TRPC3: variants seen among roughly 807,000 people sequenced by gnomAD.
TRPC3 encodes the protein transient receptor potential cation channel subfamily C member 3.
A neutral mutation model predicts 90.9 loss-of-function variants in TRPC3; 54 were observed. The ratio of observed to expected loss-of-function variants is 0.59; its 90% confidence interval spans 0.48 to 0.75. The LOEUF (loss-of-function observed/expected upper bound fraction) is 0.75. Ranked by LOEUF, TRPC3 falls within the 30% of genes least tolerant of loss-of-function variation. The pLI, the probability that TRPC3 is intolerant of heterozygous loss-of-function variation, is 0.00. For synonymous variants in TRPC3, 424 were observed against 450.9 expected, an observed-to-expected ratio of 0.94 and a Z score of 0.75; for missense variants, 918 against 1,194.5, an observed-to-expected ratio of 0.77 and a Z score of 3.41.
chr4:121,884,208 G>A (rs1443147657), intron 10 of TRPC3, among the ~76,000 whole-genome samples: 1 of 152,118 alleles, frequency 6.6e-6, no homozygotes, highest in Non-Finnish European at 1.5e-5. Flanking sequence ...TTCTTATGAA[G>A]CTCAATAACA....
chr4:121,947,497 A>G (rs1281150611), intron 1 of TRPC3, among the ~76,000 whole-genome samples: 1 of 152,196 alleles, frequency 6.6e-6, no homozygotes, highest in East Asian at 1.9e-4. Flanking sequence ...AAAGTGTTTT[A>G]GGTAATCTGA....
At chr4:121,913,684 T>A (rs1289698203) in intron 4 of TRPC3, among the ~76,000 whole-genome samples, 2 of 152,200 alleles carry the variant, frequency 1.3e-5, no homozygotes, top group Non-Finnish European at 2.9e-5. Context: ...TTATTTATAG[T>A]TTTTCATCTT....
Position 121,912,066 on chromosome 4 carries a change from T to C in TRPC3, c.1369A>G (p.Met457Val), listed in dbSNP as rs759030673. ...GAAGCTGCATGTGCTACAAACTTCATAAAAGGGCTTCGCAGAATTTTCCCC... is the reference window on the plus strand; with the variant it reads ...GAAGCTGCATGTGCTACAAACTTCACAAAAGGGCTTCGCAGAATTTTCCCC... ...RLGKILRSPF[M>V]KFVAHAASFI... The change falls in exon 5 of 12, where the codon ATG becomes GTG. Residue 457 changes from methionine (M) to valine (V), a missense_variant. By Grantham distance (21) the Met-to-Val change is conservative (BLOSUM62 1). Transcript: ENST00000379645. The C allele has an allele frequency of 1.2e-6, 2 of 1,613,574 alleles. No homozygotes were observed. Among genetic ancestry groups the C allele is most frequent in the Admixed American group, 1.7e-5 (1 of 59,916 alleles).
At chr4:121,890,555 T>A (rs541274221) in intron 10 of TRPC3, among the ~76,000 whole-genome samples, 12 of 152,174 alleles carry the variant, frequency 7.9e-5, no homozygotes, top group Non-Finnish European at 1.5e-4. Flanking sequence ...ATGGTAGATA[T>A]GGAAGACAGT....
At chr4:121,915,028 T>C in intron 3 of TRPC3, 84 bp from the exon 4 acceptor site, 1 of 1,210,964 alleles carries the variant, frequency 8.3e-7, no homozygotes, top group Non-Finnish European at 1.1e-6. Flanking sequence ...TAAATACACA[T>C]GCATCCTAAA....
intron 3 of TRPC3, among the ~76,000 whole-genome samples, chr4:121,921,120 T>A (rs1490654516): frequency 6.6e-6 from 1 of 152,178 alleles, no homozygotes; most frequent in African/African-American, 2.4e-5. Flanking sequence ...TGTGTTGAAC[T>A]CATGCCTTGA....
intron 10 of TRPC3, among the ~76,000 whole-genome samples, chr4:121,897,102 G>A (rs1280252149): frequency 6.6e-6 from 1 of 151,852 alleles, no homozygotes; most frequent in Admixed American, 6.6e-5. Flanking sequence ...AGAAGAATAA[G>A]ACTAGACTCC....
chr4:121,897,453 C>CAAAAAAAAAAAAAA (rs70950860), intron 10 of TRPC3, among the ~76,000 whole-genome samples: 9 of 43,434 alleles, frequency 2.1e-4, no homozygotes, highest in African/African-American at 2.7e-4. Flanking sequence ...ATCTCAACAG[C>CAAAAAAAAAAAAAA]AAAAAAAAAA....
intron 1 of TRPC3, among the ~76,000 whole-genome samples, chr4:121,935,421 T>G (rs78038537): frequency 0.072 from 3,039 of 42,446 alleles, 41 homozygotes; most frequent in Middle Eastern, 0.2. Context: ...ATGTGTGGGG[T>G]GTGTGTGTGT....
chr4:121,910,458 C>A, intron 5 of TRPC3, 71 bp from the exon 6 acceptor site: 1 of 1,227,598 alleles, frequency 8.1e-7, no homozygotes, highest in Non-Finnish European at 1.2e-6. Context: ...ATTGTGTCCA[C>A]CATCAGGTCA....
At chr4:121,915,403 C>T (rs1292694860) in intron 3 of TRPC3, among the ~76,000 whole-genome samples, 1 of 152,170 alleles carries the variant, frequency 6.6e-6, no homozygotes, top group Non-Finnish European at 1.5e-5. Flanking sequence ...CCCTAAAATG[C>T]TACATACAAA....
rs1387080607 is a variant in TRPC3 at position 121,876,990 on chromosome 4, T to C, written c.*2746A>G. 6.6e-6 allele frequency among the ~76,000 whole-genome samples: 1 copy of C among 152,176 alleles called. No individual in the cohort carries two copies. The highest frequency in any genetic ancestry group is 6.5e-5 in the Admixed American group (1 of 15,280). ...TTAATTAATGTTTTTTTCTATAAAG[T>C]TGTTTTTGGTCCTGTTTAAATGCTC... On this transcript the variant is annotated 3_prime_UTR_variant, in exon 12 of 12. Transcript: ENST00000379645.
chr4:121,946,068 A>C (rs1475237819), intron 1 of TRPC3, among the ~76,000 whole-genome samples: 1 of 152,190 alleles, frequency 6.6e-6, no homozygotes, highest in Non-Finnish European at 1.5e-5. Flanking sequence ...AGAAGAGAAG[A>C]GATATAAAAA....
intron 10 of TRPC3, among the ~76,000 whole-genome samples, chr4:121,895,744 T>C (rs1013219170): frequency 6.6e-6 from 1 of 152,094 alleles, no homozygotes; most frequent in African/African-American, 2.4e-5. Context: ...ATGGTTTCAC[T>C]GCTGAATTCT....
At chr4:121,892,824 A>AG (rs1728376119) in intron 10 of TRPC3, among the ~76,000 whole-genome samples, 1 of 152,182 alleles carries the variant, frequency 6.6e-6, no homozygotes, top group Admixed American at 6.5e-5. Context: ...ATTCAAATAG[A>AG]GAAATAAGGA....
At chr4:121,880,630 A>G (rs55647306) in intron 11 of TRPC3, among the ~76,000 whole-genome samples, 6,900 of 140,940 alleles carry the variant, frequency 0.049, 521 homozygotes, top group African/African-American at 0.21. Context: ...CTTCAAGGAG[A>G]GGCAGTATTT....
At chr4:121,918,999 T>C (rs1045699360) in intron 3 of TRPC3, among the ~76,000 whole-genome samples, 2 of 152,242 alleles carry the variant, frequency 1.3e-5, no homozygotes, top group African/African-American at 4.8e-5. Context: ...TTGTATGCTG[T>C]TTCCTAACTT....
intron 3 of TRPC3, among the ~76,000 whole-genome samples, chr4:121,919,474 T>C (rs1729428090): frequency 6.6e-6 from 1 of 152,238 alleles, no homozygotes; most frequent in South Asian, 2.1e-4. Flanking sequence ...ACAGGTTTTC[T>C]GGATTTTCAA....
chr4:121,916,158 A>G (rs975108248), intron 3 of TRPC3, among the ~76,000 whole-genome samples: 3 of 152,190 alleles, frequency 2.0e-5, no homozygotes, highest in African/African-American at 7.2e-5. Context: ...TAGAGTTATT[A>G]ATATTTGGCT....
Sources: allele counts gnomAD v4.1 joint callset (sites outside exome capture counted in the v4.1 genomes callset), GRCh38; gene constraint gnomAD v4.1.1; transcripts MANE v1.5; gene names NCBI Gene and HGNC (gene_info 2026-07-23, HGNC 2026-07-21).